PLPPR5: variants seen among roughly 807,000 people sequenced by gnomAD.
PLPPR5 encodes phospholipid phosphatase related 5, also known as phospholipid phosphatase-related protein type 5.
Under a neutral mutation model 33.9 loss-of-function variants are expected in PLPPR5, and 16 were observed. The ratio of observed to expected loss-of-function variants is 0.47; its 90% CI spans 0.32 to 0.72. The LOEUF (loss-of-function observed/expected upper bound fraction) is 0.72, where lower values mean the gene tolerates loss of function less well. Among genes scored for constraint, PLPPR5 ranks in the 30% least tolerant of loss-of-function variants. The pLI, the probability that PLPPR5 is intolerant of heterozygous loss-of-function variation, is 0.03. For synonymous variants in PLPPR5, 163 were observed against 150.3 expected (o/e 1.08, Z -0.62); for missense variants, 301 against 406.7 (o/e 0.74, Z 2.23).
chr1:98,934,069 C>T (rs531699749), intron 3 of PLPPR5, among the ~76,000 whole-genome samples: 21 of 152,232 alleles, frequency 1.4e-4, no homozygotes, highest in African/African-American at 5.1e-4. Flanking sequence ...TCATTGGCAG[C>T]ATCAGGAGAC....
At chr1:98,936,880 G>A (rs1271996152) in intron 3 of PLPPR5, among the ~76,000 whole-genome samples, 1 of 152,156 alleles carries the variant, frequency 6.6e-6, no homozygotes, top group Non-Finnish European at 1.5e-5. Context: ...TCCAAATAAT[G>A]AGCACTGAAT....
At chr1:98,905,056 C>T (rs560398524) in intron 5 of PLPPR5, among the ~76,000 whole-genome samples, 26 of 152,274 alleles carry the variant, frequency 1.7e-4, no homozygotes, top group Admixed American at 9.2e-4. Flanking sequence ...TGGATTCTTA[C>T]GATAGCCTTT....
chr1:98,947,531 T>C (rs1046374029), intron 3 of PLPPR5, among the ~76,000 whole-genome samples: 3 of 152,360 alleles, frequency 2.0e-5, no homozygotes, highest in South Asian at 4.1e-4. Flanking sequence ...TATTTTATGA[T>C]TATGAGCAAT....
rs1433598730 is a variant in PLPPR5, at chr1:99,004,668, G to A, written c.4C>T (p.Pro2Ser). Residue 2 changes from proline (P) to serine (S), a missense_variant, in exon 1 of 6, where the codon CCC becomes TCC. Pro to Ser is a moderately conservative substitution (Grantham distance 74). Transcript: ENST00000263177. Reference sequence around the variant, plus strand: ...CTGGTGAGCGCCGCGGGCAGCAGGGGCATGCACGCCTCCCGGGCCGGGCCG... The same window carrying A: ...CTGGTGAGCGCCGCGGGCAGCAGGGACATGCACGCCTCCCGGGCCGGGCCG... MPLLPAALTSSM... is the reference protein window; with the variant it reads MSLLPAALTSSM... The A allele has an allele frequency of 6.2e-7, 1 of 1,601,964 alleles. No individual in the cohort carries two copies. The highest frequency in any genetic ancestry group is 1.7e-5 in the Admixed American group (1 of 58,840).
intron 3 of PLPPR5, among the ~76,000 whole-genome samples, chr1:98,941,302 A>G (rs1650359079): frequency 6.6e-6 from 1 of 151,918 alleles, no homozygotes; most frequent in African/African-American, 2.4e-5. Flanking sequence ...AAGAGTATCT[A>G]TGCTACTGAG....
chr1:98,941,103 G>A (rs1021619877), intron 3 of PLPPR5, among the ~76,000 whole-genome samples: 1 of 151,850 alleles, frequency 6.6e-6, no homozygotes, highest in African/African-American at 2.4e-5. Context: ...GCGTGGAGGT[G>A]GGAATAGATG....
chr1:98,924,945 C>A (rs1038089400), intron 3 of PLPPR5, among the ~76,000 whole-genome samples: 1 of 152,172 alleles, frequency 6.6e-6, no homozygotes, highest in Non-Finnish European at 1.5e-5. Context: ...TAGATCATAG[C>A]AGTGCTTTAT....
chr1:98,914,355 G>T (rs1649261602), intron 5 of PLPPR5, among the ~76,000 whole-genome samples: 1 of 152,102 alleles, frequency 6.6e-6, no homozygotes, highest in South Asian at 2.1e-4. Context: ...GCATGATCTT[G>T]GCTCATTGCA....
At chr1:98,987,801 T>C (rs999086738) in intron 1 of PLPPR5, among the ~76,000 whole-genome samples, 1 of 151,966 alleles carries the variant, frequency 6.6e-6, no homozygotes, top group Non-Finnish European at 1.5e-5. Context: ...GAATTATGCA[T>C]TTTACACTTT....
At chr1:98,998,691 C>T (rs1652717548) in intron 1 of PLPPR5, among the ~76,000 whole-genome samples, 1 of 152,136 alleles carries the variant, frequency 6.6e-6, no homozygotes, top group Admixed American at 6.5e-5. Context: ...GGTGATTCTG[C>T]CATTGCCATC....
chr1:98,997,012 C>T (rs1652654973), intron 1 of PLPPR5, among the ~76,000 whole-genome samples: 1 of 151,980 alleles, frequency 6.6e-6, no homozygotes, highest in African/African-American at 2.4e-5. Flanking sequence ...ACTAAAGCTC[C>T]CTGCATATGT....
chr1:98,914,854 G>T lies in PLPPR5; in HGVS notation c.865C>A (p.Leu289Met), dbSNP rs199656479. Residue 289 changes from leucine (L) to methionine (M), a missense_variant, in exon 5 of 6, where the codon CTG (leucine) becomes ATG (methionine). Physicochemically the swap from Leu to Met is conservative, Grantham distance 15. Transcript: ENST00000263177. ...ATGCTGATCATTGGCATCTGTGCCA[G>T]ATTATCCATGTGTATATGCTCATTT... ...AENEHIHMDNLAQMPMISIPR... is the reference protein window; with the variant it reads ...AENEHIHMDNMAQMPMISIPR... 1 of 1,613,082 alleles carries T rather than the reference G, an allele frequency of 6.2e-7. No homozygotes were observed. Among genetic ancestry groups the T allele is most frequent in the East Asian group, 2.2e-5 (1 of 44,806 alleles).
intron 5 of PLPPR5, among the ~76,000 whole-genome samples, chr1:98,913,483 T>A (rs919532906): frequency 5.9e-5 from 9 of 152,206 alleles, no homozygotes; most frequent in Non-Finnish European, 1.2e-4. Context: ...TTGACACGTG[T>A]TGACTTGGTG....
At chr1:98,953,467 T>G in intron 2 of PLPPR5, 147 bp from the exon 3 acceptor site, 1 of 1,251,774 alleles carries the variant, frequency 8.0e-7, no homozygotes, top group East Asian at 2.6e-5. Context: ...TATACATAGT[T>G]CCTTTTATTT....
rs565694676 is a variant in PLPPR5, at chr1:98,958,642, T to C, written c.238-1901A>G. Among the ~76,000 whole-genome samples, 13 of 152,332 alleles carry C rather than the reference T, an allele frequency of 8.5e-5. No homozygotes were observed. In the East Asian group the frequency reaches 2.3e-3, roughly 27 times the overall value. ...ACAAGAATTATTTTTCATGAGTATC[T>C]GGAGAATCTGATAAGTAGATGAACT... On this transcript the variant is annotated intron_variant, in intron 1 of 5. Transcript: ENST00000263177.
intron 1 of PLPPR5, among the ~76,000 whole-genome samples, chr1:98,961,074 A>G (rs1175357041): frequency 2.0e-5 from 3 of 152,080 alleles, no homozygotes; most frequent in Non-Finnish European, 4.4e-5. Context: ...AGTGTTTCCC[A>G]CCCAGTCTTC....
chr1:98,893,494 C>A (rs1648357935), intron 5 of PLPPR5, among the ~76,000 whole-genome samples: 1 of 151,840 alleles, frequency 6.6e-6, no homozygotes, highest in Non-Finnish European at 1.5e-5. Flanking sequence ...GTGAAATGCT[C>A]AGACTAAAAT....
rs368575437 is a variant in PLPPR5, at chr1:98,985,450, C to A, written c.237+18985G>T. 2.4e-4 allele frequency among the ~76,000 whole-genome samples: 37 copies of A among 152,142 alleles called. No homozygotes were observed. In the South Asian group the frequency reaches 7.5e-3, roughly 31 times the overall value. ...CCTTAGTGATATTATACCATCATAA[C>A]ATTGTAGCACAACTACTTTATTTTT... On this transcript the variant is annotated intron_variant, in intron 1 of 5. Coordinates refer to ENST00000263177, the MANE Select transcript of PLPPR5 (RefSeq NM_001037317.2).
intron 5 of PLPPR5, among the ~76,000 whole-genome samples, chr1:98,910,457 T>C (rs535087203): frequency 1.3e-5 from 2 of 152,288 alleles, no homozygotes; most frequent in Admixed American, 6.5e-5. Flanking sequence ...GGCTAATTGA[T>C]ATAAACAGGA....
Sources: gnomAD v4.1 joint callset for allele counts (sites outside exome capture counted in the v4.1 genomes callset) on GRCh38, gnomAD v4.1.1 for gene constraint, MANE v1.5 for transcripts, NCBI Gene and HGNC (gene_info 2026-07-23, HGNC 2026-07-21) for gene names.